HSPA4: variants seen among roughly 807,000 people sequenced by gnomAD.
The protein encoded by HSPA4 is heat shock protein family A (Hsp70) member 4.
A neutral mutation model predicts 106.2 loss-of-function variants in HSPA4; 25 were observed. The ratio of observed to expected loss-of-function variants is 0.24; its 90% CI spans 0.17 to 0.33. HSPA4 has a LOEUF of 0.33. HSPA4 is among the 10% of genes least tolerant of loss of function. The probability of loss-of-function intolerance (pLI) is 1.00; values close to 1 mark genes in which losing one functional copy is unlikely to be tolerated. For synonymous variants in HSPA4, 332 were observed against 333.6 expected (o/e 1.00, Z 0.05); for missense variants, 841 against 996.0 (o/e 0.84, Z 2.10).
chr5:133,063,847 C>T (rs1481746507), intron 1 of HSPA4, among the ~76,000 whole-genome samples: 4 of 152,132 alleles, frequency 2.6e-5, no homozygotes, highest in South Asian at 2.1e-4. Flanking sequence ...CTGCAACCTC[C>T]GACTCCTTGG....
chr5:133,064,962 G>A lies in HSPA4; in HGVS notation c.108-18G>A, dbSNP rs1421765135. 1 of 1,608,502 alleles carries A rather than the reference G, an allele frequency of 6.2e-7. No individual in the cohort carries two copies. The highest frequency in any genetic ancestry group is 8.5e-7 in the Non-Finnish European group (1 of 1,176,258). ...TTGTAGTAAGATTTAATTCTTAAGT[G>A]CTTTTTTTGTCTTCTAGGGCTTGCA... On this transcript the variant is annotated intron_variant, in intron 1 of 18. Coordinates refer to ENST00000304858, the MANE Select transcript of HSPA4 (RefSeq NM_002154.4).
intron 6 of HSPA4, among the ~76,000 whole-genome samples, chr5:133,076,428 A>T (rs1765446578): frequency 6.6e-6 from 1 of 152,250 alleles, no homozygotes; most frequent in East Asian, 1.9e-4. Flanking sequence ...ACTGCAGTTT[A>T]TCTCATCTGT....
intron 7 of HSPA4, among the ~76,000 whole-genome samples, chr5:133,077,817 T>C (rs1765464375): frequency 6.6e-6 from 1 of 152,164 alleles, no homozygotes; most frequent in Non-Finnish European, 1.5e-5. Context: ...TTGCTTTGTA[T>C]CCAAATTTTT....
chr5:133,055,459 A>AG (rs965283385), intron 1 of HSPA4, among the ~76,000 whole-genome samples: 10 of 152,012 alleles, frequency 6.6e-5, no homozygotes, highest in Admixed American at 2.6e-4. Context: ...TGATGGTGGA[A>AG]GTACCTCGTT....
At chr5:133,063,739 T>C (rs1765274237) in intron 1 of HSPA4, among the ~76,000 whole-genome samples, 1 of 149,346 alleles carries the variant, frequency 6.7e-6, no homozygotes, top group African/African-American at 2.5e-5. Flanking sequence ...GGCCAAAATT[T>C]ACTTATACTT....
chr5:133,089,989 C>G (rs940172933), intron 11 of HSPA4, among the ~76,000 whole-genome samples: 23 of 152,302 alleles, frequency 1.5e-4, no homozygotes, highest in Non-Finnish European at 2.6e-4. Context: ...TAGAACCAGC[C>G]AAATGGCTGT....
chr5:133,056,681 A>G (rs1391656118), intron 1 of HSPA4, among the ~76,000 whole-genome samples: 7 of 152,222 alleles, frequency 4.6e-5, no homozygotes, highest in Admixed American at 4.6e-4. Flanking sequence ...TTATGTTGTA[A>G]TGTTAATGCT....
chr5:133,085,702 C>T (rs917664949), intron 7 of HSPA4, among the ~76,000 whole-genome samples: 5 of 151,440 alleles, frequency 3.3e-5, no homozygotes, highest in African/African-American at 1.2e-4. Context: ...AAAAACTATG[C>T]AGACAATAAA....
rs778790827 is a variant in HSPA4 at position 133,092,805 on chromosome 5, T to TG, written c.1650+17dup. 8.7e-5 allele frequency: 39 copies of TG among 447,074 alleles called. No homozygotes were observed. In the East Asian group the frequency reaches 2.1e-3, roughly 24 times the overall value. 27.7% of individuals were successfully genotyped at this position (447,074 alleles called of 1,614,324 possible). A position where few individuals can be genotyped will look rare whatever the true frequency, so the allele number is the denominator to read the frequency against. On this transcript the variant is annotated intron_variant, in intron 13 of 18. Transcript: ENST00000304858. ...AGAAATGGAGGTATGCATTGGGTGG[T>TG]GTTTTTTTTTTTTTTTTTTTTTTTT...
chr5:133,078,874 C>T (rs1383207657), intron 7 of HSPA4, among the ~76,000 whole-genome samples: 1 of 152,024 alleles, frequency 6.6e-6, no homozygotes, highest in African/African-American at 2.4e-5. Context: ...GCTGGGACTA[C>T]AGGCACGTGC....
intron 15 of HSPA4, 49 bp downstream of exon 15, chr5:133,097,335 C>T: frequency 6.4e-7 from 1 of 1,561,666 alleles, no homozygotes; most frequent in Non-Finnish European, 8.8e-7. Context: ...CTGTGAACAT[C>T]TTTAAGTGGG....
intron 1 of HSPA4, among the ~76,000 whole-genome samples, chr5:133,054,531 C>T (rs1016652604): frequency 6.6e-6 from 1 of 152,268 alleles, no homozygotes; most frequent in Admixed American, 6.5e-5. Context: ...AATTCATATA[C>T]TATACAATTT....
intron 4 of HSPA4, among the ~76,000 whole-genome samples, chr5:133,072,309 G>A (rs996827834): frequency 6.6e-6 from 1 of 151,546 alleles, no homozygotes; most frequent in South Asian, 2.1e-4. Flanking sequence ...GAGTCAGCCT[G>A]TGCTTAACTC....
chr5:133,070,842 C>T (rs768586385), intron 4 of HSPA4, among the ~76,000 whole-genome samples: 46 of 152,032 alleles, frequency 3.0e-4, no homozygotes, highest in Non-Finnish European at 5.0e-4. Context: ...GCTGAGGTTG[C>T]GGTGAGCCGA....
At position 133,074,006 on chromosome 5, in the gene HSPA4, T is replaced by G; in HGVS notation, c.543T>G (p.Tyr181Ter). ...MNETTAVALA[Y>*]GIYKQDLPAL... is the part of the protein sequence containing the mutation. ...TTTCTTCTGTAGTTGCTCTTGCATA[T>G]GGAATCTATAAGCAGGATCTTCCTG... The change falls in exon 6 of 19, where the codon TAT becomes TAG. Residue 181 changes from tyrosine (Y) to a stop codon, truncating the protein, a stop_gained. Transcript: ENST00000304858. LOFTEE classifies it high-confidence loss of function. 6.3e-7 allele frequency: 1 copy of G among 1,577,188 alleles called. No homozygotes were observed. Among genetic ancestry groups the G allele is most frequent in the Non-Finnish European group, 8.6e-7 (1 of 1,167,232 alleles).
In HSPA4 at chr5:133,072,673, C is replaced by T. The variant is rs539601359; in HGVS notation, c.430-557C>T. Among the ~76,000 whole-genome samples the T allele has an allele frequency of 3.2e-4, 48 of 151,824 alleles. No homozygotes were observed. In the South Asian group the frequency reaches 4.6e-3, roughly 14 times the overall value. On this transcript the variant is annotated intron_variant, in intron 4 of 18. Coordinates refer to ENST00000304858, the MANE Select transcript of HSPA4 (RefSeq NM_002154.4). ...CCACCCACCACGGCCCCCCAAAGTG[C>T]TGGGATTACAGGCGTGAGCCACCAC...
rs546112076 is a variant in HSPA4, at chr5:133,085,599, G to T, written c.909-1183G>T. Reference sequence around the variant, plus strand: ...TGCTTGAACCCGGAAGGTGGAGGTTGCAGTGAGCTGGGATTGCGCCACTGC... The same window carrying T: ...TGCTTGAACCCGGAAGGTGGAGGTTTCAGTGAGCTGGGATTGCGCCACTGC... On this transcript the variant is annotated intron_variant, in intron 7 of 18. Coordinates refer to ENST00000304858, the MANE Select transcript of HSPA4 (RefSeq NM_002154.4). Among the ~76,000 whole-genome samples, 8 of 152,000 alleles carry T rather than the reference G, an allele frequency of 5.3e-5. 1 individual carries two copies. The highest frequency in any genetic ancestry group is 5.2e-4 in the Admixed American group (8 of 15,258).
chr5:133,074,019 C>A lies in HSPA4; in HGVS notation c.556C>A (p.Gln186Lys). ...TGCTCTTGCATATGGAATCTATAAG[C>A]AGGATCTTCCTGCCTTAGAAGAGAA... is the stretch of plus-strand genomic sequence containing the variant. ...AVALAYGIYKQDLPALEEKPR... is the reference protein window; with the variant it reads ...AVALAYGIYKKDLPALEEKPR... The change falls in exon 6 of 19, where the codon CAG becomes AAG. Residue 186 changes from glutamine to lysine, a missense_variant. Gln to Lys is a moderately conservative substitution (Grantham distance 53). Transcript: ENST00000304858. 6.3e-7 allele frequency: 1 copy of A among 1,597,822 alleles called. No individual in the cohort carries two copies. Among genetic ancestry groups the A allele is most frequent in the Non-Finnish European group, 8.5e-7 (1 of 1,174,070 alleles).
In HSPA4 at chr5:133,104,974, A is replaced by G. The variant is rs941527122; in HGVS notation, c.*538A>G. The G allele has an allele frequency of 2.0e-5, 3 of 153,040 alleles. No individual in the cohort carries two copies. The highest frequency in any genetic ancestry group is 7.2e-5 in the African/African-American group (3 of 41,424). The allele number at this position is 153,040 out of a possible 1,614,324, so 9.5% of individuals were successfully genotyped here. On this transcript the variant is annotated 3_prime_UTR_variant, in exon 19 of 19. Coordinates refer to ENST00000304858, the MANE Select transcript of HSPA4 (RefSeq NM_002154.4). Reference sequence around the variant, plus strand: ...TTCTTCATATTTCACCTTCACCCTCACCTGTGTTCTCTTCCCTCTCTCCCA... The same window carrying G: ...TTCTTCATATTTCACCTTCACCCTCGCCTGTGTTCTCTTCCCTCTCTCCCA...
Sources: allele counts gnomAD v4.1 joint callset (sites outside exome capture counted in the v4.1 genomes callset), GRCh38; gene constraint gnomAD v4.1.1; transcripts MANE v1.5; gene names NCBI Gene and HGNC (gene_info 2026-07-23, HGNC 2026-07-21).